The following CRHBP variants were observed in gnomAD, a reference collection of about 807,000 sequenced individuals.
CRHBP encodes corticotropin releasing hormone binding protein.
CRHBP carries 19 observed loss-of-function variants against 34.9 expected under a neutral mutation model. The observed-to-expected ratio is 0.55, with a 90% confidence interval of 0.38 to 0.80. CRHBP has a LOEUF of 0.80. Ranked by LOEUF, CRHBP falls within the 30% of genes least tolerant of loss-of-function variation. The pLI is 0.00. For missense variants in CRHBP, 328 were observed against 409.2 expected (o/e 0.80, Z 1.71); for synonymous variants, 154 against 153.4 (o/e 1.00, Z -0.03).
At chr5:76,979,882 G>A (rs879589354) in intron 3 of CRHBP, among the ~76,000 whole-genome samples, 11 of 152,088 alleles carry the variant, frequency 7.2e-5, no homozygotes, top group African/African-American at 1.2e-4. Flanking sequence ...CTTCCTATGC[G>A]TTGAAGCATT....
intron 3 of CRHBP, among the ~76,000 whole-genome samples, chr5:76,978,050 A>G (rs760117162): frequency 3.9e-5 from 6 of 152,186 alleles, no homozygotes; most frequent in Non-Finnish European, 5.9e-5. Flanking sequence ...CTCTCATTCT[A>G]TGAAGGCTGA....
At chr5:76,954,321 C>T (rs1048498020) in intron 3 of CRHBP, 135 bp downstream of exon 3, 3 of 1,109,250 alleles carry the variant, frequency 2.7e-6, no homozygotes, top group Admixed American at 3.0e-5. Context: ...CGCTGGTGCC[C>T]GAGTCGGAGA....
chr5:76,977,888 A>T lies in CRHBP; in HGVS notation n.467+1368A>T, dbSNP rs112675761. ...AACGCCAAGGAAAAGTTACTGAAGG[A>T]AATTAAAAGTGCTACTCCAGTGAAT... On this transcript the variant is annotated intron_variant and non_coding_transcript_variant, in intron 3 of 3. Coordinates refer to the CRHBP transcript ENST00000514258. Among the ~76,000 whole-genome samples the T allele has an allele frequency of 1.2e-3, 177 of 152,348 alleles. 1 individual carries two copies. Among genetic ancestry groups the T allele is most frequent in the Admixed American group, 4.0e-3 (61 of 15,308 alleles).
intron 2 of CRHBP, among the ~76,000 whole-genome samples, chr5:76,975,458 A>C (rs139186177): frequency 2.8e-3 from 427 of 152,194 alleles, no homozygotes; most frequent in Middle Eastern, 0.01. Flanking sequence ...ACATGACAAG[A>C]ATTGGCAGGA....
chr5:76,973,318 G>A (rs1382062742), downstream of CRHBP, among the ~76,000 whole-genome samples: 2 of 152,234 alleles, frequency 1.3e-5, no homozygotes, highest in East Asian at 3.9e-4. Context: ...AGCTTTAACT[G>A]GTATAACCAT....
intron 5 of CRHBP, among the ~76,000 whole-genome samples, chr5:76,959,647 GA>G (rs955578835): frequency 2.2e-4 from 34 of 152,302 alleles, no homozygotes; most frequent in African/African-American, 7.7e-4. Context: ...AGATTTTAGT[GA>G]AAACCAAATA....
At chr5:76,957,773 T>C (rs1026974152) in intron 4 of CRHBP, among the ~76,000 whole-genome samples, 2 of 152,212 alleles carry the variant, frequency 1.3e-5, no homozygotes, top group Admixed American at 1.3e-4. Flanking sequence ...CACCTTTTAG[T>C]TAACTTATCA....
chr5:76,955,681 A>G lies in CRHBP; in HGVS notation c.362A>G (p.Glu121Gly). Residue 121 changes from glutamate to glycine, a missense_variant, in exon 4 of 7, where the codon GAG becomes GGG. Physicochemically the swap from Glu to Gly is moderately conservative, Grantham distance 98. Coordinates refer to ENST00000274368, the MANE Select transcript of CRHBP (RefSeq NM_001882.4). ...TTTGATGGTTGGATTCTCAAGGGGG[A>G]GAAGTTCCCCAGTTCCCAGGATCAT... ...KVFDGWILKG[E>G]KFPSSQDHPL... is the part of the protein sequence containing the mutation. 6.2e-7 allele frequency: 1 copy of G among 1,613,976 alleles called. No individual in the cohort carries two copies. The highest frequency in any genetic ancestry group is 8.5e-7 in the Non-Finnish European group (1 of 1,179,970).
chr5:76,957,000 G>T (rs959859646), intron 4 of CRHBP, among the ~76,000 whole-genome samples: 1 of 152,078 alleles, frequency 6.6e-6, no homozygotes, highest in Non-Finnish European at 1.5e-5. Flanking sequence ...AAGAATTCTA[G>T]AAGACAAAAT....
In CRHBP at chr5:76,955,894, C is replaced by T. The variant is rs369072679; in HGVS notation, c.544+31C>T. The T allele has an allele frequency of 2.9e-5, 46 of 1,594,252 alleles. No homozygotes were observed. In the African/African-American group the frequency reaches 3.9e-4, roughly 13 times the overall value. ...TGTTCTCAGTCAAAAGGCAGAACTT[C>T]GGATATAGACCCGCTTTTTGAAAGT... On this transcript the variant is annotated intron_variant, in intron 4 of 6. Coordinates refer to ENST00000274368, the MANE Select transcript of CRHBP (RefSeq NM_001882.4).
At chr5:76,962,072 G>T (rs899883248) in intron 5 of CRHBP, among the ~76,000 whole-genome samples, 11 of 152,050 alleles carry the variant, frequency 7.2e-5, no homozygotes, top group African/African-American at 2.7e-4. Flanking sequence ...CTAAATGCCT[G>T]AATGTGTGTG....
chr5:76,955,204 T>A (rs916249934), intron 3 of CRHBP, among the ~76,000 whole-genome samples: 8 of 152,228 alleles, frequency 5.3e-5, no homozygotes, highest in Admixed American at 5.2e-4. Context: ...GCAGGTAAAG[T>A]TGCTGCTCCA....
downstream of CRHBP, chr5:76,969,617 T>C (rs955248202): frequency 1.3e-5 from 2 of 152,236 alleles, no homozygotes; most frequent in African/African-American, 2.4e-5. Flanking sequence ...TGAAGTAGAA[T>C]TATTTAGAGG....
intron 2 of CRHBP, 46 bp downstream of exon 2, chr5:76,953,740 G>A: frequency 6.5e-7 from 1 of 1,547,432 alleles, no homozygotes; most frequent in South Asian, 1.2e-5. Context: ...ACGCGGGGAA[G>A]GTGGGACTCT....
chr5:76,967,768 G>A (rs982736604), intron 6 of CRHBP, among the ~76,000 whole-genome samples: 5 of 150,344 alleles, frequency 3.3e-5, no homozygotes, highest in African/African-American at 9.8e-5. Flanking sequence ...GTGTGATCTC[G>A]ACCCACCACA....
Position 76,954,200 on chromosome 5 carries a change from G to A in CRHBP, c.333+14G>A. On this transcript the variant is annotated intron_variant, in intron 3 of 6. Transcript: ENST00000274368. ...GACTTCCTGAAGGTGAGGCGCCCAC[G>A]GCCAGCCAACCTAGCCGGAGGGCGG... 2 of 1,610,008 alleles carry A rather than the reference G, an allele frequency of 1.2e-6. No homozygotes were observed. The highest frequency in any genetic ancestry group is 2.2e-5 in the East Asian group (1 of 44,708).
downstream of CRHBP, among the ~76,000 whole-genome samples, chr5:76,973,271 A>G (rs1745976076): frequency 6.6e-6 from 1 of 152,206 alleles, no homozygotes; most frequent in Admixed American, 6.5e-5. Context: ...CCAAAGAAAA[A>G]TACCTCAAAT....
At chr5:76,975,825 A>AAAATATATAT in intron 2 of CRHBP, among the ~76,000 whole-genome samples, 1 of 61,846 alleles carries the variant, frequency 1.6e-5, no homozygotes, top group African/African-American at 9.1e-5. Context: ...AAAAAAAAAA[A>AAAATATATAT]ATATATATAT....
At chr5:76,953,989 T>G in intron 2 of CRHBP, 40 bp from the exon 3 acceptor site, 1 of 1,571,700 alleles carries the variant, frequency 6.4e-7, no homozygotes, top group Non-Finnish European at 8.6e-7. Context: ...CTGCGGCGGC[T>G]GCAGCCCGGG....
Sources: gnomAD v4.1 joint callset for allele counts (sites outside exome capture counted in the v4.1 genomes callset) on GRCh38, gnomAD v4.1.1 for gene constraint, MANE v1.5 for transcripts, NCBI Gene and HGNC (gene_info 2026-07-23, HGNC 2026-07-21) for gene names.